The following FSHR variants were observed in gnomAD, a reference collection of about 807,000 sequenced individuals.
FSHR encodes follicle-stimulating hormone receptor.
In FSHR, 46 loss-of-function variants were observed where a neutral mutation model predicts 52.1. The observed-to-expected ratio is 0.88, with a 90% confidence interval of 0.70 to 1.13. FSHR has a LOEUF of 1.13. Among genes scored for constraint, FSHR ranks in the 50% most tolerant of loss-of-function variants. The pLI is 0.00. For synonymous variants in FSHR, 399 were observed against 309.6 expected, an observed-to-expected ratio of 1.29 and a Z score of -3.03; for missense variants, 964 against 834.6, an observed-to-expected ratio of 1.16 and a Z score of -1.91.
intron 1 of FSHR, among the ~76,000 whole-genome samples, chr2:49,079,538 G>T (rs1189663359): frequency 6.6e-6 from 1 of 151,342 alleles, no homozygotes; most frequent in African/African-American, 2.4e-5. Flanking sequence ...ATATCGACAG[G>T]GATTTAAAAA....
At chr2:49,032,602 G>A (rs1668137689) in intron 2 of FSHR, among the ~76,000 whole-genome samples, 1 of 152,226 alleles carries the variant, frequency 6.6e-6, no homozygotes. Context: ...TGCCCAGTAA[G>A]TGATCACTGA....
chr2:49,140,587 C>A (rs970589147), intron 1 of FSHR, among the ~76,000 whole-genome samples: 1 of 151,986 alleles, frequency 6.6e-6, no homozygotes, highest in Admixed American at 6.6e-5. Context: ...GTAATCCCAG[C>A]TACTCTAGAG....
chr2:49,076,505 T>G (rs777413978), intron 1 of FSHR, among the ~76,000 whole-genome samples: 45 of 151,690 alleles, frequency 3.0e-4, no homozygotes, highest in Non-Finnish European at 5.6e-4. Context: ...AAGATAAGAG[T>G]TGAGTGGGGA....
intron 2 of FSHR, among the ~76,000 whole-genome samples, chr2:49,049,971 G>T (rs1668796615): frequency 6.6e-6 from 1 of 151,744 alleles, no homozygotes. Flanking sequence ...TTTATTTTAA[G>T]GACACACCTA....
At chr2:49,021,004 G>A (rs1169367758) in intron 2 of FSHR, among the ~76,000 whole-genome samples, 1 of 152,114 alleles carries the variant, frequency 6.6e-6, no homozygotes, top group African/African-American at 2.4e-5. Context: ...TTAATACCTA[G>A]GTGATGGGTT....
chr2:49,025,592 A>G (rs1436963375), intron 2 of FSHR, among the ~76,000 whole-genome samples: 2 of 152,144 alleles, frequency 1.3e-5, no homozygotes, highest in Non-Finnish European at 2.9e-5. Context: ...GAAAATTCCC[A>G]TGAAAATATG....
At chr2:49,132,012 A>G (rs1432215619) in intron 1 of FSHR, among the ~76,000 whole-genome samples, 6 of 152,076 alleles carry the variant, frequency 3.9e-5, no homozygotes, top group Non-Finnish European at 8.8e-5. Flanking sequence ...GAAAAGCCTT[A>G]TTCTATTTTT....
intron 1 of FSHR, among the ~76,000 whole-genome samples, chr2:49,111,701 C>T (rs370601155): frequency 2.6e-5 from 4 of 152,148 alleles, no homozygotes; most frequent in East Asian, 1.9e-4. Context: ...GTGCTCCCCA[C>T]GGCTCCTCAG....
chr2:49,016,404 G>C (rs577847999), intron 4 of FSHR, among the ~76,000 whole-genome samples: 1 of 152,250 alleles, frequency 6.6e-6, no homozygotes, highest in East Asian at 1.9e-4. Context: ...AAGAGATAGT[G>C]TGCTAGTTCA....
intron 8 of FSHR, among the ~76,000 whole-genome samples, chr2:48,980,827 G>T (rs1306155481): frequency 1.3e-5 from 2 of 152,036 alleles, no homozygotes; most frequent in Admixed American, 6.5e-5. Context: ...TCTTCAGTTG[G>T]ATAATGAAGG....
chr2:49,066,481 A>T (rs1274141223), intron 2 of FSHR, among the ~76,000 whole-genome samples: 1 of 152,130 alleles, frequency 6.6e-6, no homozygotes, highest in Non-Finnish European at 1.5e-5. Context: ...CCTCAGGTTC[A>T]GTTCAGTGCT....
chr2:49,006,908 T>C (rs1045797543), intron 4 of FSHR, among the ~76,000 whole-genome samples: 3 of 152,248 alleles, frequency 2.0e-5, no homozygotes, highest in Admixed American at 1.3e-4. Flanking sequence ...CATCACCACC[T>C]GACATTATCC....
intron 1 of FSHR, among the ~76,000 whole-genome samples, chr2:49,151,787 T>C (rs576873685): frequency 6.6e-6 from 1 of 152,276 alleles, no homozygotes; most frequent in African/African-American, 2.4e-5. Context: ...ATTTCATCCC[T>C]GTTCTGCCAT....
At chr2:49,136,338 G>T (rs1037092967) in intron 1 of FSHR, among the ~76,000 whole-genome samples, 3 of 151,968 alleles carry the variant, frequency 2.0e-5, no homozygotes, top group South Asian at 2.1e-4. Context: ...AATATAAATA[G>T]ATTGTGTCAA....
chr2:48,965,138 T>A (rs1674416637), intron 9 of FSHR, among the ~76,000 whole-genome samples: 2 of 152,128 alleles, frequency 1.3e-5, no homozygotes, highest in Admixed American at 1.3e-4. Context: ...GTATCAAACC[T>A]TCTTAAGAAG....
chr2:49,035,975 C>A (rs2104268086), intron 2 of FSHR, among the ~76,000 whole-genome samples: 1 of 152,310 alleles, frequency 6.6e-6, no homozygotes, highest in African/African-American at 2.4e-5. Context: ...ATGTAGATTT[C>A]ATTTGAAAAG....
chr2:49,145,353 A>C (rs1207583143), intron 1 of FSHR, among the ~76,000 whole-genome samples: 1 of 152,134 alleles, frequency 6.6e-6, no homozygotes, highest in East Asian at 1.9e-4. Flanking sequence ...ATTATATTTT[A>C]GTTCAGGTCT....
chr2:49,069,664 A>C (rs1370876241), intron 1 of FSHR, among the ~76,000 whole-genome samples: 1 of 152,180 alleles, frequency 6.6e-6, no homozygotes, highest in Non-Finnish European at 1.5e-5. Flanking sequence ...ACTGAATTAA[A>C]TGGCTTATTG....
intron 3 of FSHR, among the ~76,000 whole-genome samples, chr2:49,018,285 G>A (rs906911055): frequency 4.6e-5 from 7 of 152,180 alleles, no homozygotes; most frequent in Admixed American, 3.3e-4. Flanking sequence ...CAACAGTCTG[G>A]AAGTGAGCAT....
Sources: gnomAD v4.1 joint callset for allele counts (sites outside exome capture counted in the v4.1 genomes callset) on GRCh38, gnomAD v4.1.1 for gene constraint, MANE v1.5 for transcripts, NCBI Gene and HGNC (gene_info 2026-07-23, HGNC 2026-07-21) for gene names.